The following SNTG1 variants were observed in gnomAD, a reference collection of about 807,000 sequenced individuals.
SNTG1 encodes gamma-1-syntrophin.
In SNTG1, 39 loss-of-function variants were observed where a neutral mutation model predicts 74.7. That is an observed-to-expected ratio of 0.52 (90% CI 0.40 to 0.68). SNTG1 has a LOEUF of 0.68. Among genes scored for constraint, SNTG1 ranks in the 30% least tolerant of loss-of-function variants. The pLI is 0.00. For missense variants in SNTG1, 685 were observed against 609.5 expected, an observed-to-expected ratio of 1.12 and a Z score of -1.30; for synonymous variants, 254 against 217.1, an observed-to-expected ratio of 1.17 and a Z score of -1.49.
intron 13 of SNTG1, among the ~76,000 whole-genome samples, chr8:50,633,176 G>A (rs1466350382): frequency 1.3e-5 from 2 of 150,090 alleles, no homozygotes; most frequent in African/African-American, 4.9e-5. Context: ...GGAGTAATTT[G>A]AGAAAAGGGT....
At chr8:50,497,688 C>T (rs762675194) in intron 8 of SNTG1, among the ~76,000 whole-genome samples, 12 of 151,888 alleles carry the variant, frequency 7.9e-5, no homozygotes, top group Non-Finnish European at 1.8e-4. Context: ...GAATACCCAC[C>T]AACACAATCA....
intron 11 of SNTG1, among the ~76,000 whole-genome samples, chr8:50,544,268 A>G (rs1045526776): frequency 6.6e-6 from 1 of 152,108 alleles, no homozygotes; most frequent in South Asian, 2.1e-4. Context: ...ATTTCAGAAA[A>G]TGTTAGAACT....
chr8:50,463,484 T>A (rs2093584641), intron 8 of SNTG1, among the ~76,000 whole-genome samples: 1 of 152,184 alleles, frequency 6.6e-6, no homozygotes, highest in South Asian at 2.1e-4. Context: ...ACAAAATTAA[T>A]CTTATTTTAC....
intron 18 of SNTG1, among the ~76,000 whole-genome samples, chr8:50,763,892 CACACACACACACACAA>C (rs1165026438): frequency 0.041 from 4,738 of 116,204 alleles, 286 homozygotes; most frequent in African/African-American, 0.17. Flanking sequence ...CACACACACA[CACACACACACACACAA>C]AAATAACCAA....
chr8:50,537,643 T>A (rs2094317407), intron 11 of SNTG1, among the ~76,000 whole-genome samples: 1 of 152,132 alleles, frequency 6.6e-6, no homozygotes, highest in Admixed American at 6.6e-5. Flanking sequence ...CCCTGATTGT[T>A]TCCATTTCTT....
chr8:50,169,128 G>A (rs2082724291), intron 1 of SNTG1, among the ~76,000 whole-genome samples: 2 of 151,958 alleles, frequency 1.3e-5, no homozygotes, highest in Non-Finnish European at 2.9e-5. Context: ...TGTCATTTGT[G>A]GTTGATTTCT....
chr8:50,304,737 ATACTC>A (rs1338518282), intron 2 of SNTG1, among the ~76,000 whole-genome samples: 8 of 152,162 alleles, frequency 5.3e-5, no homozygotes, highest in Non-Finnish European at 8.8e-5. Flanking sequence ...TTTTCATACT[ATACTC>A]TGTCTAATAT....
intron 2 of SNTG1, among the ~76,000 whole-genome samples, chr8:50,330,286 T>C (rs1027563125): frequency 3.3e-5 from 5 of 152,162 alleles, no homozygotes; most frequent in Non-Finnish European, 5.9e-5. Flanking sequence ...TTGTTTCCCC[T>C]TCCACTGTGA....
chr8:50,406,358 G>A (rs1287795310), intron 4 of SNTG1, among the ~76,000 whole-genome samples: 3 of 151,914 alleles, frequency 2.0e-5, no homozygotes, highest in South Asian at 2.1e-4. Context: ...GTTAGTGCAC[G>A]GAAATGTAAT....
intron 9 of SNTG1, among the ~76,000 whole-genome samples, chr8:50,517,638 A>G (rs1057324359): frequency 2.7e-5 from 4 of 148,350 alleles, no homozygotes; most frequent in Admixed American, 6.7e-5. Context: ...AAAAAAAAAA[A>G]TAGCAGGGGT....
At chr8:50,400,153 A>G (rs2092783821) in intron 3 of SNTG1, among the ~76,000 whole-genome samples, 1 of 152,204 alleles carries the variant, frequency 6.6e-6, no homozygotes. Flanking sequence ...ACTCCCAGCA[A>G]TAGCCATGGA....
chr8:50,006,963 G>A (rs528521339), intron 1 of SNTG1, among the ~76,000 whole-genome samples: 20 of 152,200 alleles, frequency 1.3e-4, no homozygotes, highest in African/African-American at 4.6e-4. Context: ...AGGCCCTAGG[G>A]GACTAAGTGG....
intron 8 of SNTG1, among the ~76,000 whole-genome samples, chr8:50,463,487 T>G (rs1284735303): frequency 1.3e-5 from 2 of 152,188 alleles, no homozygotes; most frequent in Non-Finnish European, 2.9e-5. Flanking sequence ...AAATTAATCT[T>G]ATTTTACATC....
chr8:50,513,310 G>A (rs146157083), intron 9 of SNTG1, among the ~76,000 whole-genome samples: 7,409 of 152,230 alleles, frequency 0.049, 323 homozygotes, highest in African/African-American at 0.11. Flanking sequence ...GCCGTGTGAG[G>A]TGTCAGTCTG....
At chr8:50,030,968 G>T (rs1221900294) in intron 1 of SNTG1, among the ~76,000 whole-genome samples, 2 of 151,806 alleles carry the variant, frequency 1.3e-5, no homozygotes, top group African/African-American at 4.8e-5. Context: ...CTAATCCATG[G>T]ATGTGGCATT....
At chr8:50,438,659 G>A (rs1563387970) in intron 5 of SNTG1, 60 bp downstream of exon 5, 2 of 1,367,486 alleles carry the variant, frequency 1.5e-6, no homozygotes, top group East Asian at 2.3e-5. Flanking sequence ...GAACTTTGGT[G>A]CATTTCAATG....
chr8:50,513,326 A>G (rs1398973179), intron 9 of SNTG1, among the ~76,000 whole-genome samples: 3 of 152,128 alleles, frequency 2.0e-5, no homozygotes, highest in Non-Finnish European at 4.4e-5. Context: ...GTCTGCCCCT[A>G]CTGGGGGGTG....
At chr8:50,607,201 G>C (rs1375758033) in intron 13 of SNTG1, among the ~76,000 whole-genome samples, 1 of 151,730 alleles carries the variant, frequency 6.6e-6, no homozygotes, top group Admixed American at 6.6e-5. Context: ...TATATGATCT[G>C]GTATCAGAGT....
intron 15 of SNTG1, among the ~76,000 whole-genome samples, chr8:50,668,495 CATT>C (rs67860057): frequency 0.13 from 19,435 of 145,008 alleles, 1,340 homozygotes; most frequent in African/African-American, 0.15. Context: ...ATCTTTCGCA[CATT>C]ATTATTATTA....
Sources: allele counts gnomAD v4.1 joint callset (sites outside exome capture counted in the v4.1 genomes callset), GRCh38; gene constraint gnomAD v4.1.1; transcripts MANE v1.5; gene names NCBI Gene and HGNC (gene_info 2026-07-23, HGNC 2026-07-21).